Variants in ABI3BP observed in about 807,000 individuals in gnomAD.
ABI3BP encodes the protein target of Nesh-SH3.
A neutral mutation model predicts 268.6 loss-of-function variants in ABI3BP; 216 were observed. That is an observed-to-expected ratio of 0.80 (90% CI 0.72 to 0.90). ABI3BP has a LOEUF of 0.90. Among genes scored for constraint, ABI3BP ranks in the 40% least tolerant of loss-of-function variants. The pLI is 0.00. For missense variants in ABI3BP, 2,090 were observed against 2,182.4 expected, an observed-to-expected ratio of 0.96 and a Z score of 0.84; for synonymous variants, 730 against 730.0, an observed-to-expected ratio of 1.00 and a Z score of 0.00.
intron 12 of ABI3BP, 31 bp downstream of exon 12, chr3:100,863,971 T>C (rs1204962333): frequency 7.1e-7 from 1 of 1,409,872 alleles, no homozygotes; most frequent in Non-Finnish European, 9.7e-7. Flanking sequence ...TCCAAGGTAA[T>C]AATAAAGCTG....
At chr3:100,970,792 G>C (rs2083275779) in intron 1 of ABI3BP, among the ~76,000 whole-genome samples, 1 of 152,116 alleles carries the variant, frequency 6.6e-6, no homozygotes, top group South Asian at 2.1e-4. Context: ...TACAAGTGAG[G>C]GCTTCTGGAA....
intron 1 of ABI3BP, among the ~76,000 whole-genome samples, chr3:100,966,509 T>A (rs1488513720): frequency 2.0e-5 from 3 of 152,056 alleles, no homozygotes; most frequent in African/African-American, 7.2e-5. Context: ...ACAGAAAAAT[T>A]TTGCTGACCC....
intron 1 of ABI3BP, among the ~76,000 whole-genome samples, chr3:100,929,965 A>G (rs1361999938): frequency 1.3e-5 from 2 of 152,024 alleles, no homozygotes; most frequent in Non-Finnish European, 2.9e-5. Context: ...ACACTCTTGG[A>G]CAATTTCTCC....
At position 100,749,539 on chromosome 3, in the gene ABI3BP, A is replaced by ATTTT. The variant is rs560968115; in HGVS notation, c.*952_*955dup. 1.9e-4 allele frequency: 72 copies of ATTTT among 389,064 alleles called. No homozygotes were observed. Among genetic ancestry groups the ATTTT allele is most frequent in the African/African-American group, 1.4e-3 (65 of 47,614 alleles). 24.1% of individuals were successfully genotyped at this position (389,064 alleles called of 1,614,324 possible). ...AGAAATAAATGAGTTAGTTAGTTAG[A>ATTTT]TTTTTATTACAGATTGAATTAAACA... On this transcript the variant is annotated 3_prime_UTR_variant, in exon 68 of 68. Coordinates refer to ENST00000471714, the MANE Select transcript of ABI3BP (RefSeq NM_001375547.2).
chr3:100,874,487 C>T (rs1211780784), intron 9 of ABI3BP, among the ~76,000 whole-genome samples: 1 of 151,904 alleles, frequency 6.6e-6, no homozygotes, highest in Admixed American at 6.6e-5. Flanking sequence ...ATGAACCTGA[C>T]CTTCACATCA....
intron 1 of ABI3BP, among the ~76,000 whole-genome samples, chr3:100,977,387 G>T (rs749017095): frequency 6.6e-6 from 1 of 152,134 alleles, no homozygotes; most frequent in East Asian, 1.9e-4. Flanking sequence ...GGCAGTCCTG[G>T]CTCAGAATCT....
chr3:100,982,189 C>G (rs930837068), intron 1 of ABI3BP, among the ~76,000 whole-genome samples: 11 of 31,164 alleles, frequency 3.5e-4, no homozygotes, highest in African/African-American at 1.4e-3. Context: ...AAACCACCCC[C>G]ATGATCCAAT....
At chr3:100,917,368 T>C (rs1478615216) in intron 2 of ABI3BP, among the ~76,000 whole-genome samples, 2 of 152,138 alleles carry the variant, frequency 1.3e-5, no homozygotes, top group Non-Finnish European at 2.9e-5. Context: ...TTCCATGGAA[T>C]GTAAAATATT....
At chr3:100,881,973 C>G (rs1424971471) in intron 6 of ABI3BP, among the ~76,000 whole-genome samples, 2 of 152,052 alleles carry the variant, frequency 1.3e-5, no homozygotes, top group African/African-American at 4.8e-5. Flanking sequence ...ATAGTGTAAC[C>G]AGAAGGGTAG....
At chr3:100,955,378 TC>T (rs1475296422) in intron 1 of ABI3BP, among the ~76,000 whole-genome samples, 7 of 152,222 alleles carry the variant, frequency 4.6e-5, no homozygotes, top group Non-Finnish European at 1.0e-4. Flanking sequence ...TGATTCAGTT[TC>T]CCTTTACAAC....
At chr3:100,971,907 T>C (rs890427422) in intron 1 of ABI3BP, among the ~76,000 whole-genome samples, 1 of 152,088 alleles carries the variant, frequency 6.6e-6, no homozygotes, top group Admixed American at 6.5e-5. Flanking sequence ...AAAGGAGGTG[T>C]GAGGATTCTT....
Position 100,864,882 on chromosome 3 carries a change from G to A in ABI3BP, c.1014C>T (p.Ser338=). The A allele has an allele frequency of 6.2e-7, 1 of 1,608,146 alleles. No individual in the cohort carries two copies. Among genetic ancestry groups the A allele is most frequent in the Non-Finnish European group, 8.5e-7 (1 of 1,178,156 alleles). The change falls in exon 11 of 68, where the codon AGC becomes AGT. Residue 338 remains serine, a synonymous_variant. Transcript: ENST00000471714. Reference sequence around the variant, plus strand: ...ATGCACTAGACGTAGTGGGTTTAGTGCTTCTTGGAACTGTTTCAGGAGTCA... The same window carrying A: ...ATGCACTAGACGTAGTGGGTTTAGTACTTCTTGGAACTGTTTCAGGAGTCA... ...TTVTPETVPR[S]TKPTTSSALD... is the part of the protein sequence containing the mutation.
rs1425924455 is a variant in ABI3BP, at chr3:100,801,444, AAG to A, written c.3757+3346_3757+3347del. Among the ~76,000 whole-genome samples the A allele has an allele frequency of 2.2e-3, 322 of 145,332 alleles. 1 individual carries two copies. Among genetic ancestry groups the A allele is most frequent in the Non-Finnish European group, 3.9e-3 (249 of 64,554 alleles). On this transcript the variant is annotated intron_variant, in intron 51 of 67. Coordinates refer to ENST00000471714, the MANE Select transcript of ABI3BP (RefSeq NM_001375547.2). ...TCCTGTCAAAAAAAAAAAAAAAGAA[AAG>A]AAAAGAAAAGAAAAAAAGATCTAAA...
intron 67 of ABI3BP, among the ~76,000 whole-genome samples, chr3:100,751,304 G>A (rs2095311735): frequency 6.6e-6 from 1 of 152,108 alleles, no homozygotes; most frequent in South Asian, 2.1e-4. Context: ...TTGGGAAACT[G>A]CTTTTTTATA....
At chr3:100,978,609 G>C (rs910365399) in intron 1 of ABI3BP, among the ~76,000 whole-genome samples, 2 of 152,114 alleles carry the variant, frequency 1.3e-5, no homozygotes, top group Non-Finnish European at 2.9e-5. Flanking sequence ...AATTATAAAA[G>C]GCAGCCAGCA....
intron 20 of ABI3BP, chr3:100,844,411 C>A (rs2098744187): frequency 2.0e-6 from 2 of 985,278 alleles, no homozygotes; most frequent in Non-Finnish European, 2.4e-6. Context: ...ACTTATAAAA[C>A]AAGCCCAAAT....
chr3:100,790,066 T>C (rs1004136426), intron 55 of ABI3BP, among the ~76,000 whole-genome samples: 9 of 151,982 alleles, frequency 5.9e-5, no homozygotes, highest in African/African-American at 2.2e-4. Flanking sequence ...CATAATGCTG[T>C]AGAAATGACA....
At chr3:100,811,090 G>A (rs1242542502) in intron 48 of ABI3BP, 140 bp downstream of exon 48, 1 of 642,650 alleles carries the variant, frequency 1.6e-6, no homozygotes, top group Non-Finnish European at 2.5e-6. Context: ...ATGGATAGGA[G>A]CACCTTGAAA....
intron 2 of ABI3BP, among the ~76,000 whole-genome samples, chr3:100,910,793 T>C (rs1300701317): frequency 6.6e-6 from 1 of 152,188 alleles, no homozygotes; most frequent in Non-Finnish European, 1.5e-5. Context: ...CTTTACAAAT[T>C]AAACATGCTA....
Sources: gnomAD v4.1 joint callset for allele counts (sites outside exome capture counted in the v4.1 genomes callset) on GRCh38, gnomAD v4.1.1 for gene constraint, MANE v1.5 for transcripts, NCBI Gene and HGNC (gene_info 2026-07-23, HGNC 2026-07-21) for gene names.